Variants in MTDH observed in about 807,000 individuals in gnomAD.
MTDH encodes the protein metadherin, also known as protein LYRIC.
A neutral mutation model predicts 72.7 loss-of-function variants in MTDH; 34 were observed. The observed-to-expected ratio is 0.47, with a 90% CI of 0.36 to 0.62. The LOEUF (loss-of-function observed/expected upper bound fraction) is 0.62. MTDH is among the 20% of genes least tolerant of loss of function. The pLI is 0.00. For synonymous variants in MTDH, 266 were observed against 268.9 expected (o/e 0.99, Z 0.10); for missense variants, 677 against 699.4 (o/e 0.97, Z 0.36).
Position 97,665,119 on chromosome 8 carries a change from A to G in MTDH, c.483+3946A>G, listed in dbSNP as rs189920935. On this transcript the variant is annotated intron_variant, in intron 2 of 11. Coordinates refer to ENST00000336273, the MANE Select transcript of MTDH (RefSeq NM_178812.4). ...CTTATGCACCTTTATATATATTATC[A>G]TATTTTTGTTTTTGCTCTCGGAGCC... is the stretch of plus-strand genomic sequence containing the variant. Among the ~76,000 whole-genome samples, 1,511 of 152,092 alleles carry G rather than the reference A, an allele frequency of 9.9e-3. 80 individuals are homozygous for G. The highest frequency in any genetic ancestry group is 0.087 in the Admixed American group (1,326 of 15,254).
At chr8:97,662,445 G>C (rs552011249) in intron 2 of MTDH, among the ~76,000 whole-genome samples, 148 of 151,926 alleles carry the variant, frequency 9.7e-4, no homozygotes, top group African/African-American at 3.5e-3. Flanking sequence ...AGTGGTTTCT[G>C]GGAACCACAG....
chr8:97,673,703 A>G (rs1374350124), intron 2 of MTDH, among the ~76,000 whole-genome samples: 1 of 149,434 alleles, frequency 6.7e-6, no homozygotes, highest in East Asian at 2.0e-4. Flanking sequence ...GGCCGGGTGC[A>G]GTGGCTCACA....
At chr8:97,681,632 TACAGGCATGC>T (rs1813079321) in intron 2 of MTDH, among the ~76,000 whole-genome samples, 1 of 151,900 alleles carries the variant, frequency 6.6e-6, no homozygotes, top group African/African-American at 2.4e-5. Context: ...TAGCTGTGAT[TACAGGCATGC>T]ACCAGCACGC....
chr8:97,675,922 T>C (rs1282325627), intron 2 of MTDH, among the ~76,000 whole-genome samples: 2 of 148,362 alleles, frequency 1.3e-5, no homozygotes, highest in Admixed American at 1.4e-4. Context: ...CTTGTATAAA[T>C]GGCTAGTTGC....
In MTDH at chr8:97,644,749, G is replaced by A; in HGVS notation, c.243G>A (p.Lys81=). 1 of 1,573,952 alleles carries A rather than the reference G, an allele frequency of 6.4e-7. No individual in the cohort carries two copies. The highest frequency in any genetic ancestry group is 8.6e-7 in the Non-Finnish European group (1 of 1,166,876). ...CGGCTTGCGCCGGCGCCCGCAAAAA[G>A]CGGAGGAGCCCGCCCCGCAAGCGGG... is the stretch of plus-strand genomic sequence containing the variant. ...WAAACAGARK[K]RRSPPRKREE... is the part of the protein sequence containing the mutation. Residue 81 remains lysine, a synonymous_variant, in exon 1 of 12, where the codon AAG becomes AAA. Coordinates refer to ENST00000336273, the MANE Select transcript of MTDH (RefSeq NM_178812.4).
chr8:97,702,295 G>A (rs1814163981), intron 7 of MTDH, among the ~76,000 whole-genome samples: 1 of 152,144 alleles, frequency 6.6e-6, no homozygotes, highest in Admixed American at 6.5e-5. Context: ...TCAGCATAAT[G>A]GAGTGGTTGA....
intron 10 of MTDH, among the ~76,000 whole-genome samples, chr8:97,720,462 A>G (rs1815069935): frequency 6.6e-6 from 1 of 150,540 alleles, no homozygotes; most frequent in Non-Finnish European, 1.5e-5. Context: ...TTGTAGTCCC[A>G]GCTACTCGGG....
At chr8:97,663,249 T>C (rs1473049502) in intron 2 of MTDH, among the ~76,000 whole-genome samples, 1 of 152,156 alleles carries the variant, frequency 6.6e-6, no homozygotes, top group East Asian at 1.9e-4. Context: ...AAATTGAATG[T>C]GACAGGGTAT....
chr8:97,675,514 C>A (rs1490094289), intron 2 of MTDH, among the ~76,000 whole-genome samples: 1 of 146,264 alleles, frequency 6.8e-6, no homozygotes, highest in South Asian at 2.1e-4. Flanking sequence ...GAGACGAGAT[C>A]GTGCCACTGC....
chr8:97,663,800 A>T (rs1450635860), intron 2 of MTDH, among the ~76,000 whole-genome samples: 1 of 151,610 alleles, frequency 6.6e-6, no homozygotes, highest in Non-Finnish European at 1.5e-5. Context: ...AATAATTTAT[A>T]GATATTATTT....
intron 6 of MTDH, among the ~76,000 whole-genome samples, chr8:97,692,741 G>A (rs1446451105): frequency 1.3e-5 from 2 of 149,982 alleles, no homozygotes; most frequent in African/African-American, 4.9e-5. Flanking sequence ...TTTTTGTTGT[G>A]GTTTTTAAGA....
At chr8:97,677,733 A>G (rs918716563) in intron 2 of MTDH, among the ~76,000 whole-genome samples, 1 of 152,224 alleles carries the variant, frequency 6.6e-6, no homozygotes, top group African/African-American at 2.4e-5. Context: ...AGCTAATGGT[A>G]TTCTGAAACT....
Position 97,644,788 on chromosome 8 carries a change from C to T in MTDH, c.282C>T (p.Ala94=). 3.2e-6 allele frequency: 5 copies of T among 1,548,028 alleles called. No individual in the cohort carries two copies. Among genetic ancestry groups the T allele is most frequent in the Non-Finnish European group, 4.3e-6 (5 of 1,157,422 alleles). ...SPPRKREEAA[A]VPAAAPDDLA... is the part of the protein sequence containing the mutation. ...CCCGCAAGCGGGAGGAGGCGGCGGC[C>T]GTGCCGGCCGCGGCCCCCGACGACC... The change falls in exon 1 of 12, where the codon GCC becomes GCT. Residue 94 remains alanine (A), a synonymous_variant. Transcript: ENST00000336273.
chr8:97,687,509 T>C lies in MTDH; in HGVS notation c.649T>C (p.Leu217=), dbSNP rs985155286. The C allele has an allele frequency of 4.5e-5, 72 of 1,613,664 alleles. No individual in the cohort carries two copies. Among genetic ancestry groups the C allele is most frequent in the Non-Finnish European group, 5.8e-5 (68 of 1,179,822 alleles). ...RDKVLTDSGS[L]DSTIPGIENT... ...TAAGGTGCTGACTGATTCTGGTTCA[T>C]TGGATTCAACTATCCCTGGGATAGA... Residue 217 remains leucine, a synonymous_variant, in exon 4 of 12, where the codon TTG becomes CTG. Coordinates refer to ENST00000336273, the MANE Select transcript of MTDH (RefSeq NM_178812.4).
chr8:97,665,103 C>T lies in MTDH; in HGVS notation c.483+3930C>T, dbSNP rs1044661169. 7.2e-5 allele frequency among the ~76,000 whole-genome samples: 11 copies of T among 152,170 alleles called. No individual in the cohort carries two copies. The South Asian group carries it at 2.3e-3, about 32-fold the overall frequency. On this transcript the variant is annotated intron_variant, in intron 2 of 11. Transcript: ENST00000336273. ...GAAATACATCTTTGATCTTATGCAC[C>T]TTTATATATATTATCATATTTTTGT...
intron 8 of MTDH, among the ~76,000 whole-genome samples, chr8:97,711,876 C>T (rs992534790): frequency 1.1e-4 from 16 of 152,122 alleles, no homozygotes; most frequent in African/African-American, 2.7e-4. Flanking sequence ...TGAGGTTGAC[C>T]GCAGGTAACT....
intron 2 of MTDH, among the ~76,000 whole-genome samples, chr8:97,683,951 A>G (rs1813246684): frequency 6.6e-6 from 1 of 152,082 alleles, no homozygotes; most frequent in South Asian, 2.1e-4. Context: ...ATCTCTACTA[A>G]AAATACAAAA....
intron 6 of MTDH, among the ~76,000 whole-genome samples, chr8:97,699,000 A>G (rs1272339043): frequency 6.6e-6 from 1 of 151,720 alleles, no homozygotes; most frequent in Non-Finnish European, 1.5e-5. Context: ...AAAATAAGCC[A>G]GGAGACCAGG....
chr8:97,719,092 T>C lies in MTDH; in HGVS notation c.1424T>C (p.Val475Ala), dbSNP rs1814998134. The C allele has an allele frequency of 6.2e-7, 1 of 1,613,376 alleles. No individual in the cohort carries two copies. The highest frequency in any genetic ancestry group is 2.2e-5 in the East Asian group (1 of 44,882). ...AAAGAGATTAGAGAAGACCTTCCAG[T>C]GAATACCTCTAAAACCCGTCCAAAA... Reference protein sequence around the residue: ...LEKEIREDLPVNTSKTRPKQE... With the variant: ...LEKEIREDLPANTSKTRPKQE... Residue 475 changes from valine to alanine, a missense_variant, in exon 10 of 12, where the codon GTG becomes GCG. Val to Ala is a moderately conservative substitution (Grantham distance 64, BLOSUM62 0). Around this residue, in one of 3 missense-constraint regions of MTDH, gnomAD observed 201 missense variants for 204.5 expected, o/e 0.98. Transcript: ENST00000336273.
Sources: gnomAD v4.1 joint callset for allele counts (sites outside exome capture counted in the v4.1 genomes callset) on GRCh38, gnomAD v4.1.1 for gene constraint, gnomAD v4.1.1 regional missense constraint, MANE v1.5 for transcripts, NCBI Gene and HGNC (gene_info 2026-07-23, HGNC 2026-07-21) for gene names.